ADGRV1: variants seen among roughly 807,000 people sequenced by gnomAD.
ADGRV1 encodes G-protein coupled receptor 98.
Under a neutral mutation model 596.2 loss-of-function variants are expected in ADGRV1, and 359 were observed. That is an observed-to-expected ratio of 0.60 (90% CI 0.55 to 0.66). ADGRV1 has a LOEUF of 0.66. ADGRV1 is among the 30% of genes least tolerant of loss of function. The pLI, the probability that ADGRV1 is intolerant of heterozygous loss-of-function variation, is 0.00. For synonymous variants in ADGRV1, 2,681 were observed against 2,679.2 expected (o/e 1.00, Z -0.02); for missense variants, 7,274 against 7,575.6 (o/e 0.96, Z 1.48).
At chr5:91,133,719 G>C (rs1314079773) in intron 87 of ADGRV1, among the ~76,000 whole-genome samples, 3 of 152,138 alleles carry the variant, frequency 2.0e-5, no homozygotes, top group Non-Finnish European at 4.4e-5. Context: ...TCATGTGCTG[G>C]TTCTTATATC....
At chr5:90,561,003 CTT>C (rs1489567683) in intron 1 of ADGRV1, among the ~76,000 whole-genome samples, 2 of 152,096 alleles carry the variant, frequency 1.3e-5, no homozygotes, top group Non-Finnish European at 2.9e-5. Flanking sequence ...TGACTAAACT[CTT>C]TTGTTCATAT....
chr5:90,802,953 C>G (rs1422463420), intron 71 of ADGRV1, 71 bp downstream of exon 71: 3 of 1,321,250 alleles, frequency 2.3e-6, no homozygotes, highest in Non-Finnish European at 3.0e-6. Context: ...GACGGAGACT[C>G]TTAGAGCTAG....
rs759342185 is a variant in ADGRV1, at chr5:90,781,417, A to G, written c.13083-13A>G. The G allele has an allele frequency of 5.1e-6, 8 of 1,575,456 alleles. No homozygotes were observed. The Admixed American group carries it at 8.8e-5, about 17-fold the overall frequency. Reference sequence around the variant, plus strand: ...TGTATTTTATTTTATTTTGATTTGTATGACTTTGGAAGAGGGTATGATTTT... The same window carrying G: ...TGTATTTTATTTTATTTTGATTTGTGTGACTTTGGAAGAGGGTATGATTTT... On this transcript the variant is annotated splice_polypyrimidine_tract_variant and intron_variant, in intron 64 of 89. Coordinates refer to ENST00000405460, the MANE Select transcript of ADGRV1 (RefSeq NM_032119.4).
chr5:90,699,181 G>A (rs1580783182), intron 34 of ADGRV1, among the ~76,000 whole-genome samples: 1 of 152,052 alleles, frequency 6.6e-6, no homozygotes, highest in African/African-American at 2.4e-5. Flanking sequence ...CTGGTATTTT[G>A]TATGTCTTTT....
At chr5:90,801,533 T>G (rs1354234983) in intron 70 of ADGRV1, among the ~76,000 whole-genome samples, 1 of 139,868 alleles carries the variant, frequency 7.1e-6, no homozygotes, top group Admixed American at 7.0e-5. Context: ...GATTTATTTG[T>G]TTTTTTTTTT....
At chr5:90,620,555 C>A (rs1763930784) in intron 4 of ADGRV1, among the ~76,000 whole-genome samples, 1 of 152,078 alleles carries the variant, frequency 6.6e-6, no homozygotes. Context: ...GTTGCCTGTT[C>A]ACTCTGATGG....
chr5:90,750,472 A>G, intron 52 of ADGRV1, 79 bp from the exon 53 acceptor site: 1 of 1,282,066 alleles, frequency 7.8e-7, no homozygotes, highest in Non-Finnish European at 1.1e-6. Context: ...TTGCAAATCC[A>G]TAATAACATG....
intron 85 of ADGRV1, among the ~76,000 whole-genome samples, chr5:91,038,801 A>C (rs1047885901): frequency 2.0e-5 from 3 of 152,128 alleles, no homozygotes; most frequent in Non-Finnish European, 2.9e-5. Context: ...GAGATGTCAC[A>C]CTCACCTCAA....
chr5:90,712,474 G>A (rs368028356), intron 42 of ADGRV1, 46 bp downstream of exon 42: 139 of 1,418,476 alleles, frequency 9.8e-5, no homozygotes, highest in Non-Finnish European at 1.3e-4. Context: ...TTCATGCTGG[G>A]TTCCTTAATA....
chr5:90,575,076 A>G (rs942894772), intron 1 of ADGRV1, among the ~76,000 whole-genome samples: 2 of 151,330 alleles, frequency 1.3e-5, no homozygotes, highest in African/African-American at 4.9e-5. Context: ...TGAATTTTGC[A>G]TCTTGATTTT....
intron 86 of ADGRV1, among the ~76,000 whole-genome samples, chr5:91,090,122 A>G (rs1020487915): frequency 6.6e-6 from 1 of 152,150 alleles, no homozygotes; most frequent in Non-Finnish European, 1.5e-5. Flanking sequence ...CCAAATGATA[A>G]TTCCCTTTCC....
At chr5:90,640,494 T>C (rs548604548) in intron 11 of ADGRV1, among the ~76,000 whole-genome samples, 16 of 152,280 alleles carry the variant, frequency 1.1e-4, no homozygotes, top group African/African-American at 3.8e-4. Flanking sequence ...TTTGTTCAGC[T>C]GCTGTGGTTT....
chr5:90,914,755 A>G (rs545195101), intron 83 of ADGRV1, among the ~76,000 whole-genome samples: 3 of 152,286 alleles, frequency 2.0e-5, no homozygotes, highest in South Asian at 4.1e-4. Flanking sequence ...CCTACCAGCT[A>G]AGTTTATTTA....
chr5:91,124,521 A>G (rs1463065534), intron 87 of ADGRV1, among the ~76,000 whole-genome samples: 4 of 152,324 alleles, frequency 2.6e-5, no homozygotes, highest in African/African-American at 7.2e-5. Context: ...TTGTACTGTG[A>G]GCAAAAATAG....
At chr5:90,985,110 A>T (rs908363863) in intron 84 of ADGRV1, among the ~76,000 whole-genome samples, 1 of 152,252 alleles carries the variant, frequency 6.6e-6, no homozygotes, top group East Asian at 1.9e-4. Context: ...AAAATACAGC[A>T]AATCAACTAA....
At chr5:90,560,184 G>C (rs1257345199) in intron 1 of ADGRV1, among the ~76,000 whole-genome samples, 2 of 152,084 alleles carry the variant, frequency 1.3e-5, no homozygotes, top group Non-Finnish European at 2.9e-5. Flanking sequence ...ATAAAATAAA[G>C]TAATTGGACT....
intron 86 of ADGRV1, among the ~76,000 whole-genome samples, chr5:91,072,857 G>A (rs889918054): frequency 1.2e-4 from 18 of 152,072 alleles, no homozygotes; most frequent in African/African-American, 3.4e-4. Flanking sequence ...TAAATGAGTC[G>A]CAGCCTTGGG....
rs1787422039 is a variant in ADGRV1, at chr5:91,061,440, T to A, written c.18153-11007T>A. On this transcript the variant is annotated intron_variant, in intron 85 of 89. Coordinates refer to ENST00000405460, the MANE Select transcript of ADGRV1 (RefSeq NM_032119.4). The stretch of plus-strand genomic sequence containing the variant: ...AGTCCATTATTTGCCTTTGGAATTA[T>A]ATGTAAATATATTTAACTCCTTAAT... Among the ~76,000 whole-genome samples, 3 of 152,204 alleles carry A rather than the reference T, an allele frequency of 2.0e-5. No homozygotes were observed. The South Asian group carries it at 6.2e-4, about 32-fold the overall frequency.
chr5:90,814,320 A>G (rs1047009703), intron 74 of ADGRV1, among the ~76,000 whole-genome samples: 1 of 152,190 alleles, frequency 6.6e-6, no homozygotes, highest in Non-Finnish European at 1.5e-5. Flanking sequence ...GTTCTTCCCT[A>G]TCAGGACAGT....
Sources: allele counts gnomAD v4.1 joint callset (sites outside exome capture counted in the v4.1 genomes callset), GRCh38; gene constraint gnomAD v4.1.1; transcripts MANE v1.5; gene names NCBI Gene and HGNC (gene_info 2026-07-23, HGNC 2026-07-21).